XIRP2: variants seen among roughly 807,000 people sequenced by gnomAD.
XIRP2 encodes xin actin binding repeat containing 2, also known as xin actin-binding repeat-containing protein 2.
Under a neutral mutation model 277.0 loss-of-function variants are expected in XIRP2, and 236 were observed. The observed-to-expected ratio is 0.85, with a 90% CI of 0.77 to 0.95. The LOEUF is 0.95. Ranked by LOEUF, XIRP2 falls within the 40% of genes least tolerant of loss-of-function variation. The pLI is 0.00. For synonymous variants in XIRP2, 1,490 were observed against 1,416.5 expected, an observed-to-expected ratio of 1.05 and a Z score of -1.17; for missense variants, 4,640 against 4,157.5, an observed-to-expected ratio of 1.12 and a Z score of -3.19.
chr2:167,251,066 T>A lies in XIRP2; in HGVS notation c.9674T>A (p.Ile3225Asn). Reference protein sequence around the residue: ...IMSPATLRRQIKIETRGRDSP... With the variant: ...IMSPATLRRQNKIETRGRDSP... ...TCTCCTGCAACACTTCGTCGTCAAA[T>A]TAAGATAGAAACTCGTGGTAGGGAC... Residue 3225 changes from isoleucine to asparagine, a missense_variant, in exon 9 of 11, where the codon ATT becomes AAT. Physicochemically the swap from Ile to Asn is moderately radical, Grantham distance 149. Transcript: ENST00000409195. The A allele has an allele frequency of 6.2e-7, 1 of 1,613,614 alleles. No individual in the cohort carries two copies.
rs1208323361 is a variant in XIRP2 at position 167,247,811 on chromosome 2, A to G, written c.6419A>G (p.His2140Arg). 2 of 1,613,408 alleles carry G rather than the reference A, an allele frequency of 1.2e-6. No homozygotes were observed. The highest frequency in any genetic ancestry group is 1.7e-5 in the Admixed American group (1 of 59,932). Residue 2140 changes from histidine (H) to arginine (R), a missense_variant, in exon 9 of 11, where the codon CAT becomes CGT. Coordinates refer to ENST00000409195, the MANE Select transcript of XIRP2 (RefSeq NM_152381.6). ...GACCACCAGAAAATGGAGGGTTTTC[A>G]TATAAAGAGTCCTAAAAAGACCAAA... ...RNDHQKMEGF[H>R]IKSPKKTKNI...
chr2:167,134,107 G>A (rs1350656410), intron 2 of XIRP2, among the ~76,000 whole-genome samples: 1 of 151,558 alleles, frequency 6.6e-6, no homozygotes, highest in Non-Finnish European at 1.5e-5. Context: ...TATTTCTAGT[G>A]ATTTTATATA....
In XIRP2 at chr2:167,259,315, G is replaced by T. The variant is rs772218509; in HGVS notation, c.*1498G>T. 2 of 1,612,126 alleles carry T rather than the reference G, an allele frequency of 1.2e-6. No individual in the cohort carries two copies. The highest frequency in any genetic ancestry group is 2.7e-5 in the African/African-American group (2 of 74,712). On this transcript the variant is annotated 3_prime_UTR_variant, in exon 11 of 11. Coordinates refer to ENST00000409195, the MANE Select transcript of XIRP2 (RefSeq NM_152381.6). The stretch of plus-strand genomic sequence containing the variant: ...TGGAGGTGCAGTCAGAACAACTCAC[G>T]GTGGAAGAGCAGATTAAAAGAAACA...
intron 2 of XIRP2, among the ~76,000 whole-genome samples, chr2:167,003,459 T>C (rs1687424519): frequency 6.6e-6 from 1 of 151,896 alleles, no homozygotes. Context: ...AATGTTTCAA[T>C]ACATTTTATC....
In XIRP2 at chr2:167,249,478, T is replaced by C. The variant is rs371758633; in HGVS notation, c.8086T>C (p.Leu2696=). The change falls in exon 9 of 11, where the codon TTG becomes CTG. Residue 2696 remains leucine, a synonymous_variant. Coordinates refer to ENST00000409195, the MANE Select transcript of XIRP2 (RefSeq NM_152381.6). The part of the protein sequence containing the change: ...QTQQKKYLEQ[L]HLPQSKPISP... ...ACAACAGAAGAAGTATTTGGAGCAGTTGCACTTGCCCCAAAGCAAACCAAT... is the reference window on the plus strand; with the variant it reads ...ACAACAGAAGAAGTATTTGGAGCAGCTGCACTTGCCCCAAAGCAAACCAAT... 70 of 1,613,706 alleles carry C rather than the reference T, an allele frequency of 4.3e-5. No homozygotes were observed. Among genetic ancestry groups the C allele is most frequent in the Non-Finnish European group, 5.8e-5 (68 of 1,179,840 alleles).
In XIRP2 at chr2:167,245,126, AC is replaced by A; in HGVS notation, c.3736del (p.Gln1246AsnfsTer6). The part of the protein sequence containing the change: ...NVLNCRWLFE[N>X]QPIDKIKESQ... ...TTAAATTGTAGGTGGCTTTTTGAAA[AC>A]CAACCAATTGATAAGATAAAAGAAA... On this transcript the variant is annotated frameshift_variant, in exon 9 of 11. Transcript: ENST00000409195. LOFTEE classifies it high-confidence loss of function. The A allele has an allele frequency of 6.2e-7, 1 of 1,610,730 alleles. No homozygotes were observed. Among genetic ancestry groups the A allele is most frequent in the South Asian group, 1.1e-5 (1 of 90,194 alleles).
At chr2:167,125,658 T>C (rs2105308417) in intron 2 of XIRP2, among the ~76,000 whole-genome samples, 1 of 152,332 alleles carries the variant, frequency 6.6e-6, no homozygotes, top group East Asian at 1.9e-4. Flanking sequence ...GGACTACATT[T>C]CCTCATTTTT....
chr2:167,209,958 T>C (rs534225404), intron 3 of XIRP2, among the ~76,000 whole-genome samples: 2 of 152,258 alleles, frequency 1.3e-5, no homozygotes, highest in South Asian at 4.2e-4. Context: ...TATTCTGTGA[T>C]TGTGCAATCA....
chr2:167,251,658 G>C lies in XIRP2; in HGVS notation c.10266G>C (p.Met3422Ile), dbSNP rs561352024. Residue 3422 changes from methionine (M) to isoleucine (I), a missense_variant, in exon 9 of 11, where the codon ATG becomes ATC. Transcript: ENST00000409195. ...CTCTAAGTGAACATTTCTCAGGCAT[G>C]GATGCATTTGAGAGTCAAATTGTTG... ...TRSLSEHFSG[M>I]DAFESQIVES... 2 of 1,613,412 alleles carry C rather than the reference G, an allele frequency of 1.2e-6. No homozygotes were observed. The highest frequency in any genetic ancestry group is 2.2e-5 in the South Asian group (2 of 91,072).
intron 3 of XIRP2, among the ~76,000 whole-genome samples, chr2:167,189,255 T>G (rs1693253029): frequency 6.6e-6 from 1 of 152,132 alleles, no homozygotes; most frequent in South Asian, 2.1e-4. Flanking sequence ...TTCTCTCTCT[T>G]GTGCTCTCTC....
Position 166,981,170 on chromosome 2 carries a change from C to G in XIRP2, c.408+77280C>G, listed in dbSNP as rs1378254059. On this transcript the variant is annotated intron_variant, in intron 2 of 10. Transcript: ENST00000409195. ...GGGCTTCCATAACAAGCATCAGAACCTGGGGGTCTTACAACAATAGACATT... is the reference window on the plus strand; with the variant it reads ...GGGCTTCCATAACAAGCATCAGAACGTGGGGGTCTTACAACAATAGACATT... Among the ~76,000 whole-genome samples the G allele has an allele frequency of 4.6e-5, 7 of 152,190 alleles. No homozygotes were observed. The South Asian group carries it at 1.2e-3, about 27-fold the overall frequency.
intron 5 of XIRP2, among the ~76,000 whole-genome samples, chr2:167,228,328 C>G (rs1199329512): frequency 6.6e-6 from 1 of 152,142 alleles, no homozygotes; most frequent in South Asian, 2.1e-4. Context: ...TCCTGCAGAA[C>G]CTATTGGTAT....
Position 167,214,093 on chromosome 2 carries a change from A to AGAAAGAAG in XIRP2, c.723+3201_723+3202insAGAAGGAA, listed in dbSNP as rs1553500653. On this transcript the variant is annotated intron_variant, in intron 4 of 10. Transcript: ENST00000409195. ...TAGAAAGGAAGGAAGGAAGAAAGAA[A>AGAAAGAAG]GAAGGAAGGAAGGAAGGAAGGAAGG... Among the ~76,000 whole-genome samples the AGAAAGAAG allele has an allele frequency of 1.5e-3, 99 of 64,372 alleles. 2 individuals are homozygous for AGAAAGAAG. Among genetic ancestry groups the AGAAAGAAG allele is most frequent in the African/African-American group, 7.3e-3 (95 of 12,954 alleles). The allele number at this position is 64,372 out of a possible 152,430, so 42.2% of individuals were successfully genotyped here.
intron 4 of XIRP2, 47 bp downstream of exon 4, chr2:167,210,942 T>G (rs1694012005): frequency 1.2e-6 from 2 of 1,604,468 alleles, no homozygotes; most frequent in Non-Finnish European, 1.7e-6. Flanking sequence ...GCTTACTGTC[T>G]GTCCCAATTC....
At chr2:167,216,605 A>G (rs1694251816) in intron 4 of XIRP2, among the ~76,000 whole-genome samples, 1 of 32,050 alleles carries the variant, frequency 3.1e-5, no homozygotes, top group Non-Finnish European at 4.8e-5. Context: ...ACCAGTTAGA[A>G]TGGCAATCAT....
Position 167,241,385 on chromosome 2 carries a change from G to T in XIRP2, c.1043-392G>T, listed in dbSNP as rs191511099. ...TTATTATTTTTTCCTGAGCATAAAA[G>T]TAGAACATACTTGTAGAAAATTTGG... On this transcript the variant is annotated intron_variant, in intron 7 of 10. Transcript: ENST00000409195. Among the ~76,000 whole-genome samples the T allele has an allele frequency of 3.9e-5, 6 of 152,238 alleles. No individual in the cohort carries two copies. The East Asian group carries it at 1.2e-3, about 29-fold the overall frequency.
Position 167,246,506 on chromosome 2 carries a change from G to C in XIRP2, c.5114G>C (p.Arg1705Pro). ...LHENDGDTIE[R>P]EEVIGGDVKR... The stretch of plus-strand genomic sequence containing the variant: ...GAAAATGATGGTGACACAATTGAGC[G>C]TGAAGAAGTAATAGGTGGTGATGTC... Residue 1705 changes from arginine to proline, a missense_variant, in exon 9 of 11, where the codon CGT becomes CCT. Physicochemically the swap from Arg to Pro is moderately radical, Grantham distance 103. Transcript: ENST00000409195. The C allele has an allele frequency of 6.2e-7, 1 of 1,613,616 alleles. No homozygotes were observed. Among genetic ancestry groups the C allele is most frequent in the South Asian group, 1.1e-5 (1 of 91,038 alleles).
At chr2:167,090,705 T>C (rs1382846683) in intron 2 of XIRP2, among the ~76,000 whole-genome samples, 2 of 152,026 alleles carry the variant, frequency 1.3e-5, no homozygotes, top group Non-Finnish European at 2.9e-5. Flanking sequence ...AAAGGGAACA[T>C]ATGCAAAGAG....
At chr2:167,242,433 A>T in intron 8 of XIRP2, 136 bp from the exon 9 acceptor site, 1 of 843,240 alleles carries the variant, frequency 1.2e-6, no homozygotes, top group Non-Finnish European at 1.8e-6. Flanking sequence ...GTTGGTCTTT[A>T]AATGAGTATA....
Sources: allele counts gnomAD v4.1 joint callset (sites outside exome capture counted in the v4.1 genomes callset), GRCh38; gene constraint gnomAD v4.1.1; transcripts MANE v1.5; gene names NCBI Gene and HGNC (gene_info 2026-07-23, HGNC 2026-07-21).